Variants in KDM2A observed in about 807,000 individuals in gnomAD.
The protein encoded by KDM2A is lysine-specific demethylase 2A.
Under a neutral mutation model 137.3 loss-of-function variants are expected in KDM2A, and 3 were observed. That is an observed-to-expected ratio of 0.02 (90% CI 0.01 to 0.06). KDM2A has a LOEUF of 0.06. Among genes scored for constraint, KDM2A ranks in the 10% least tolerant of loss-of-function variants. The pLI is 1.00. For synonymous variants in KDM2A, 512 were observed against 541.5 expected, an observed-to-expected ratio of 0.95 and a Z score of 0.76; for missense variants, 738 against 1,510.6, an observed-to-expected ratio of 0.49 and a Z score of 8.48.
At chr11:67,124,269 G>T (rs1268087283) in intron 2 of KDM2A, among the ~76,000 whole-genome samples, 1 of 152,038 alleles carries the variant, frequency 6.6e-6, no homozygotes, top group African/African-American at 2.4e-5. Context: ...CTCTCAAAGT[G>T]CTGGGATTAC....
intron 5 of KDM2A, among the ~76,000 whole-genome samples, chr11:67,198,556 A>G (rs1857539660): frequency 6.6e-6 from 1 of 151,796 alleles, no homozygotes; most frequent in African/African-American, 2.4e-5. Context: ...TAAAAACACA[A>G]AAAATTAGCT....
chr11:67,178,115 G>A (rs1377398132), intron 2 of KDM2A, among the ~76,000 whole-genome samples: 2 of 152,136 alleles, frequency 1.3e-5, no homozygotes, highest in African/African-American at 2.4e-5. Context: ...CATTTAAAGT[G>A]TACAAGTCAG....
chr11:67,200,054 T>A (rs1590775831), intron 5 of KDM2A, among the ~76,000 whole-genome samples: 2 of 152,198 alleles, frequency 1.3e-5, no homozygotes, highest in African/African-American at 4.8e-5. Flanking sequence ...CTAGATGATA[T>A]CACATCTGTT....
In KDM2A at chr11:67,253,442, A is replaced by G. The variant is rs138634922; in HGVS notation, c.2933-11A>G. ...AGTGTATTATTACATGTCTCATTCCATCCATTGCAGGACTGAAAGACCTCC... is the reference window on the plus strand; with the variant it reads ...AGTGTATTATTACATGTCTCATTCCGTCCATTGCAGGACTGAAAGACCTCC... On this transcript the variant is annotated splice_polypyrimidine_tract_variant and intron_variant, in intron 18 of 20. Coordinates refer to ENST00000529006, the MANE Select transcript of KDM2A (RefSeq NM_012308.3). The G allele has an allele frequency of 3.0e-5, 48 of 1,611,754 alleles. No individual in the cohort carries two copies. The African/African-American group carries it at 6.0e-4, about 20-fold the overall frequency.
At chr11:67,147,175 T>TA (rs1413609517) in intron 2 of KDM2A, among the ~76,000 whole-genome samples, 2 of 152,042 alleles carry the variant, frequency 1.3e-5, no homozygotes, top group South Asian at 4.1e-4. Context: ...AGAATAGAAA[T>TA]ACGCCTGTTT....
intron 2 of KDM2A, among the ~76,000 whole-genome samples, chr11:67,155,202 G>A (rs555943572): frequency 3.9e-5 from 6 of 152,110 alleles, no homozygotes; most frequent in Non-Finnish European, 8.8e-5. Flanking sequence ...GTTTTGTAGA[G>A]ATGGGGTTTT....
intron 2 of KDM2A, among the ~76,000 whole-genome samples, chr11:67,150,071 C>T (rs1856350789): frequency 1.3e-5 from 2 of 152,134 alleles, no homozygotes; most frequent in African/African-American, 2.4e-5. Context: ...CAAAATTCAA[C>T]AATTCGTTGT....
At chr11:67,152,147 T>C (rs1856405805) in intron 2 of KDM2A, among the ~76,000 whole-genome samples, 1 of 151,972 alleles carries the variant, frequency 6.6e-6, no homozygotes, top group African/African-American at 2.4e-5. Flanking sequence ...AAACCCTGTG[T>C]CTATTAAAAA....
intron 9 of KDM2A, among the ~76,000 whole-genome samples, chr11:67,219,000 A>G (rs1011547558): frequency 1.3e-5 from 2 of 152,230 alleles, no homozygotes; most frequent in African/African-American, 2.4e-5. Context: ...ATTGTAAACT[A>G]TCTTGTACAG....
chr11:67,250,841 T>A lies in KDM2A; in HGVS notation c.2768+43T>A. On this transcript the variant is annotated intron_variant, in intron 17 of 20. Coordinates refer to ENST00000529006, the MANE Select transcript of KDM2A (RefSeq NM_012308.3). The surrounding 1 kb of genome is among the most constrained non-coding windows in gnomAD (Gnocchi z 7.1). Reference sequence around the variant, plus strand: ...GGGTCAGGAATTAGGGGTATGGGAGTAGGTGGCAGGTTTTCCATATGAGAA... The same window carrying A: ...GGGTCAGGAATTAGGGGTATGGGAGAAGGTGGCAGGTTTTCCATATGAGAA... 1 of 1,436,334 alleles carries A rather than the reference T, an allele frequency of 7.0e-7. No individual in the cohort carries two copies. Among genetic ancestry groups the A allele is most frequent in the Non-Finnish European group, 9.4e-7 (1 of 1,061,924 alleles). 89.0% of individuals were successfully genotyped at this position (1,436,334 alleles called of 1,614,324 possible).
chr11:67,173,053 C>G (rs758938581), intron 2 of KDM2A, among the ~76,000 whole-genome samples: 2 of 152,052 alleles, frequency 1.3e-5, no homozygotes, highest in African/African-American at 4.8e-5. Flanking sequence ...TGCAGTGGTG[C>G]TGTAACAGTT....
chr11:67,132,685 C>A (rs1855880781), intron 2 of KDM2A, among the ~76,000 whole-genome samples: 1 of 152,194 alleles, frequency 6.6e-6, no homozygotes, highest in South Asian at 2.1e-4. Flanking sequence ...ATTCAAATAG[C>A]TTGCCTTTTG....
At chr11:67,159,554 G>A (rs987889341) in intron 2 of KDM2A, among the ~76,000 whole-genome samples, 6 of 152,204 alleles carry the variant, frequency 3.9e-5, no homozygotes, top group Non-Finnish European at 5.9e-5. Flanking sequence ...TGATTGTCCT[G>A]CTGGTAGTGA....
At chr11:67,152,903 AGAGTGTGTGTGT>A (rs1297307369) in intron 2 of KDM2A, among the ~76,000 whole-genome samples, 4 of 111,314 alleles carry the variant, frequency 3.6e-5, no homozygotes, top group Non-Finnish European at 3.7e-5. Flanking sequence ...TTACAGTGCC[AGAGTGTGTGTGT>A]GTGTGTGTGT....
intron 12 of KDM2A, among the ~76,000 whole-genome samples, chr11:67,232,910 A>G (rs868334050): frequency 2.6e-5 from 4 of 151,926 alleles, no homozygotes; most frequent in South Asian, 4.2e-4. Flanking sequence ...GGGTTTCACC[A>G]TGTTGGCCAG....
chr11:67,126,349 A>G (rs1276502580), intron 2 of KDM2A, among the ~76,000 whole-genome samples: 1 of 151,912 alleles, frequency 6.6e-6, no homozygotes, highest in Non-Finnish European at 1.5e-5. Flanking sequence ...CCAGGGAGGG[A>G]GGATCACTTG....
intron 5 of KDM2A, among the ~76,000 whole-genome samples, chr11:67,184,233 T>G (rs1312859844): frequency 6.6e-6 from 1 of 150,562 alleles, no homozygotes; most frequent in Non-Finnish European, 1.5e-5. Flanking sequence ...GTGGCTCATG[T>G]CTGTAATCCC....
At chr11:67,233,952 G>A (rs1241045127) in intron 12 of KDM2A, among the ~76,000 whole-genome samples, 2 of 152,156 alleles carry the variant, frequency 1.3e-5, no homozygotes, top group East Asian at 3.9e-4. Flanking sequence ...GGAACAAGTA[G>A]CCAGTGAGAT....
chr11:67,201,234 G>GTGTA (rs555985556), intron 5 of KDM2A, among the ~76,000 whole-genome samples: 1 of 145,672 alleles, frequency 6.9e-6, no homozygotes, highest in African/African-American at 2.6e-5. Context: ...GTGTGTGTGT[G>GTGTA]TATATATATA....
Sources: gnomAD v4.1 joint callset for allele counts (sites outside exome capture counted in the v4.1 genomes callset) on GRCh38, gnomAD v4.1.1 for gene constraint, Gnocchi (gnomAD v3.1) non-coding constraint, MANE v1.5 for transcripts, NCBI Gene and HGNC (gene_info 2026-07-23, HGNC 2026-07-21) for gene names.